Variants in GPR137B observed in about 807,000 individuals in gnomAD.
The protein encoded by GPR137B is G protein-coupled receptor 137B.
A neutral mutation model predicts 42.5 loss-of-function variants in GPR137B; 42 were observed. The ratio of observed to expected loss-of-function variants is 0.99; its 90% CI spans 0.77 to 1.28. GPR137B has a LOEUF of 1.28. Among genes scored for constraint, GPR137B ranks in the 50% most tolerant of loss-of-function variants. The pLI is 0.00. For synonymous variants in GPR137B, 218 were observed against 209.7 expected (o/e 1.04, Z -0.34); for missense variants, 487 against 493.9 (o/e 0.99, Z 0.13).
chr1:236,144,589 TCCAGC>T lies in GPR137B; in HGVS notation c.414+1554_414+1558del, dbSNP rs1661631323. The stretch of plus-strand genomic sequence containing the variant: ...GGTCTACACTCAGACTTCTTGTAAG[TCCAGC>T]GCATCAGCATATTTTCCGGTCGGAG... On this transcript the variant is annotated intron_variant, in intron 1 of 6. Transcript: ENST00000366592. Among the ~76,000 whole-genome samples the T allele has an allele frequency of 4.6e-5, 7 of 152,386 alleles. No individual in the cohort carries two copies. In the East Asian group the frequency reaches 7.7e-4, roughly 17 times the overall value.
Position 236,150,172 on chromosome 1 carries a change from CGTTTGT to C in GPR137B, c.414+7145_414+7150del, listed in dbSNP as rs577339098. ...GTTTGTGTCTGTGCATGTGTGTGCCCGTTTGTGTTTGTGTGTGTCTGTGTGCCTGTG... is the reference window on the plus strand; with the variant it reads ...GTTTGTGTCTGTGCATGTGTGTGCCCGTTTGTGTGTGTCTGTGTGCCTGTG... On this transcript the variant is annotated intron_variant, in intron 1 of 6. Coordinates refer to ENST00000366592, the MANE Select transcript of GPR137B (RefSeq NM_003272.4). The surrounding 1 kb of genome is among the most constrained non-coding windows in gnomAD (Gnocchi z 6.2). Among the ~76,000 whole-genome samples, 398 of 121,088 alleles carry C rather than the reference CGTTTGT, an allele frequency of 3.3e-3. 1 individual carries two copies. The highest frequency in any genetic ancestry group is 0.012 in the African/African-American group (374 of 31,090). 79.4% of individuals were successfully genotyped at this position (121,088 alleles called of 152,430 possible).
chr1:236,194,877 A>C (rs1663291719), intron 5 of GPR137B, among the ~76,000 whole-genome samples: 2 of 152,188 alleles, frequency 1.3e-5, no homozygotes, highest in Admixed American at 1.3e-4. Context: ...ATCCTCCCCA[A>C]ATGATTTCAC....
intron 5 of GPR137B, among the ~76,000 whole-genome samples, chr1:236,188,893 T>C (rs532619765): frequency 1.3e-4 from 20 of 152,348 alleles, no homozygotes; most frequent in South Asian, 6.2e-4. Flanking sequence ...TCAGAAGGAA[T>C]GGTACCAGCT....
chr1:236,196,267 G>A (rs181016144), intron 5 of GPR137B, among the ~76,000 whole-genome samples: 52 of 152,098 alleles, frequency 3.4e-4, no homozygotes, highest in African/African-American at 9.4e-4. Context: ...AGCCTCCTGA[G>A]TAGCTGGGAC....
At chr1:236,205,563 A>G (rs1461871373) in intron 6 of GPR137B, among the ~76,000 whole-genome samples, 1 of 152,192 alleles carries the variant, frequency 6.6e-6, no homozygotes, top group Admixed American at 6.5e-5. Flanking sequence ...TCTTGGAGAT[A>G]GGGTCTCACT....
At chr1:236,160,273 CT>C (rs1662149357) in intron 1 of GPR137B, among the ~76,000 whole-genome samples, 1 of 152,150 alleles carries the variant, frequency 6.6e-6, no homozygotes, top group Non-Finnish European at 1.5e-5. Context: ...TTTTCATAGG[CT>C]GTGTGGAGCC....
intron 2 of GPR137B, among the ~76,000 whole-genome samples, chr1:236,170,445 C>G (rs761450332): frequency 6.6e-6 from 1 of 152,088 alleles, no homozygotes; most frequent in African/African-American, 2.4e-5. Flanking sequence ...ATACAAGTCC[C>G]AAGACTCACC....
chr1:236,145,475 C>T (rs547327254), intron 1 of GPR137B, among the ~76,000 whole-genome samples: 2 of 152,324 alleles, frequency 1.3e-5, no homozygotes, highest in African/African-American at 4.8e-5. Flanking sequence ...TCTCCTACCT[C>T]AGCCTCCTAA....
Position 236,174,640 on chromosome 1 carries a change from G to T in GPR137B, c.465-3774G>T, listed in dbSNP as rs1019492203. On this transcript the variant is annotated intron_variant, in intron 2 of 6. Coordinates refer to ENST00000366592, the MANE Select transcript of GPR137B (RefSeq NM_003272.4). ...ACATTACAGTTAGAGTCTATGAAAA[G>T]CTATGGCACCTTTAACAGAAATAGG... Among the ~76,000 whole-genome samples, 11 of 152,308 alleles carry T rather than the reference G, an allele frequency of 7.2e-5. No individual in the cohort carries two copies. The East Asian group carries it at 2.1e-3, about 29-fold the overall frequency.
Position 236,208,733 on chromosome 1 carries a change from T to C in GPR137B, c.*575T>C. 32 of 985,296 alleles carry C rather than the reference T, an allele frequency of 3.2e-5. No homozygotes were observed. The highest frequency in any genetic ancestry group is 3.7e-5 in the Non-Finnish European group (31 of 829,678). The allele number at this position is 985,296 out of a possible 1,614,324, so 61.0% of individuals were successfully genotyped here. Reference sequence around the variant, plus strand: ...GTAAAGCAGCAGACTGTAAGGTCTTTAGAGATTTTTTTTTTAAGGTTCAGG... The same window carrying C: ...GTAAAGCAGCAGACTGTAAGGTCTTCAGAGATTTTTTTTTTAAGGTTCAGG... On this transcript the variant is annotated 3_prime_UTR_variant, in exon 7 of 7. Coordinates refer to ENST00000366592, the MANE Select transcript of GPR137B (RefSeq NM_003272.4).
chr1:236,207,037 T>TA (rs1188038008), intron 6 of GPR137B: 6 of 511,088 alleles, frequency 1.2e-5, no homozygotes, highest in Non-Finnish European at 1.5e-5. Context: ...GATGAAATGA[T>TA]AAAAAATATA....
intron 6 of GPR137B, chr1:236,207,359 C>T: frequency 1.5e-6 from 1 of 681,864 alleles, no homozygotes; most frequent in Non-Finnish European, 1.8e-6. Context: ...AGATTCTGAG[C>T]TCCACCTCTT....
At chr1:236,154,584 A>T (rs1558479722) in intron 1 of GPR137B, among the ~76,000 whole-genome samples, 3 of 151,310 alleles carry the variant, frequency 2.0e-5, no homozygotes, top group African/African-American at 7.3e-5. Context: ...AGGAGGCCAG[A>T]TGGTCATTCT....
At chr1:236,163,516 T>A (rs551119702) in intron 1 of GPR137B, among the ~76,000 whole-genome samples, 54 of 152,276 alleles carry the variant, frequency 3.5e-4, no homozygotes, top group African/African-American at 1.3e-3. Flanking sequence ...TCAACTTGAA[T>A]TGTATCTCCC....
intron 1 of GPR137B, among the ~76,000 whole-genome samples, chr1:236,161,902 A>G (rs1178287855): frequency 2.0e-5 from 3 of 152,132 alleles, no homozygotes; most frequent in Non-Finnish European, 4.4e-5. Flanking sequence ...CAGTGTGAAA[A>G]TGGACTAATA....
intron 1 of GPR137B, among the ~76,000 whole-genome samples, chr1:236,163,567 A>G (rs971066272): frequency 1.3e-5 from 2 of 152,144 alleles, no homozygotes; most frequent in African/African-American, 2.4e-5. Flanking sequence ...GGAGGAAGTA[A>G]TTGAATCACG....
intron 5 of GPR137B, among the ~76,000 whole-genome samples, chr1:236,192,336 T>C (rs1572002340): frequency 6.6e-6 from 1 of 151,846 alleles, no homozygotes; most frequent in Admixed American, 6.6e-5. Flanking sequence ...GAGTGAATGG[T>C]TCTGTCTCAC....
At chr1:236,143,123 G>A in intron 1 of GPR137B, 87 bp downstream of exon 1, 2 of 1,185,142 alleles carry the variant, frequency 1.7e-6, no homozygotes, top group South Asian at 1.4e-5. Context: ...GCAGCCGCGG[G>A]GGCGGGTCCG....
intron 1 of GPR137B, among the ~76,000 whole-genome samples, chr1:236,167,294 C>T (rs567572037): frequency 6.6e-6 from 1 of 152,324 alleles, no homozygotes; most frequent in African/African-American, 2.4e-5. Context: ...TCTCTCTTAG[C>T]AAATTTCGAG....
Sources: allele counts gnomAD v4.1 joint callset (sites outside exome capture counted in the v4.1 genomes callset), GRCh38; gene constraint gnomAD v4.1.1; non-coding constraint Gnocchi (gnomAD v3.1); transcripts MANE v1.5; gene names NCBI Gene and HGNC (gene_info 2026-07-23, HGNC 2026-07-21).